UTP20: variants seen among roughly 807,000 people sequenced by gnomAD.
UTP20 encodes small subunit processome component 20 homolog.
In UTP20, 164 loss-of-function variants were observed where a neutral mutation model predicts 329.5. That is an observed-to-expected ratio of 0.50 (90% CI 0.44 to 0.57). UTP20 has a LOEUF of 0.57. Ranked by LOEUF, UTP20 falls within the 20% of genes least tolerant of loss-of-function variation. The probability of loss-of-function intolerance (pLI) is 0.00; values close to 1 mark genes in which losing one functional copy is unlikely to be tolerated. For synonymous variants in UTP20, 1,151 were observed against 1,159.3 expected (o/e 0.99, Z 0.14); for missense variants, 3,055 against 3,284.2 (o/e 0.93, Z 1.71).
rs776362046 is a variant in UTP20 at position 101,338,867 on chromosome 12, A to G, written c.3923A>G (p.Gln1308Arg). The stretch of plus-strand genomic sequence containing the variant: ...CTACCTCATGTACCTGCAATTCTTC[A>G]GTATCTCAGCAAAACCACAATAAGC... ...LILPHVPAIL[Q>R]YLSKTTISAE... The change falls in exon 31 of 62, where the codon CAG becomes CGG. Residue 1308 changes from glutamine to arginine, a missense_variant. By Grantham distance (43) the Gln-to-Arg change is conservative. Transcript: ENST00000261637. The G allele has an allele frequency of 6.8e-6, 11 of 1,612,424 alleles. No individual in the cohort carries two copies. The highest frequency in any genetic ancestry group is 9.3e-6 in the Non-Finnish European group (11 of 1,179,556).
chr12:101,345,792 A>C (rs1790163742), intron 37 of UTP20, 98 bp downstream of exon 37: 1 of 1,148,234 alleles, frequency 8.7e-7, no homozygotes, highest in East Asian at 2.6e-5. Context: ...CTTTCCAAAA[A>C]GGTTTAAGCT....
At position 101,342,986 on chromosome 12, in the gene UTP20, G is replaced by A. The variant is rs768900064; in HGVS notation, c.4342G>A (p.Val1448Ile). Residue 1448 changes from valine (V) to isoleucine (I), a missense_variant, in exon 35 of 62, where the codon GTT becomes ATT. Physicochemically the swap from Val to Ile is conservative, Grantham distance 29. Coordinates refer to ENST00000261637, the MANE Select transcript of UTP20 (RefSeq NM_014503.3). ...QRHLDDINFD[V>I]RFETFQTITS... ...ACATCTTGATGATATCAACTTCGACGTTCGCTTTGAGACTTTCCAGACCAT... is the reference window on the plus strand; with the variant it reads ...ACATCTTGATGATATCAACTTCGACATTCGCTTTGAGACTTTCCAGACCAT... 29 of 1,613,740 alleles carry A rather than the reference G, an allele frequency of 1.8e-5. No homozygotes were observed. The highest frequency in any genetic ancestry group is 1.3e-4 in the East Asian group (6 of 44,858).
At chr12:101,289,388 C>CAT (rs1207054494) in intron 6 of UTP20, among the ~76,000 whole-genome samples, 1 of 150,514 alleles carries the variant, frequency 6.6e-6, no homozygotes, top group Non-Finnish European at 1.5e-5. Flanking sequence ...CACACACACA[C>CAT]ACATACACAC....
At chr12:101,372,659 T>C (rs925611963) in intron 51 of UTP20, among the ~76,000 whole-genome samples, 6 of 152,214 alleles carry the variant, frequency 3.9e-5, no homozygotes, top group African/African-American at 1.4e-4. Flanking sequence ...AGGGCTTGCC[T>C]CTGTCAGGCA....
At chr12:101,286,959 T>C (rs1871979169) in intron 5 of UTP20, among the ~76,000 whole-genome samples, 1 of 152,160 alleles carries the variant, frequency 6.6e-6, no homozygotes, top group East Asian at 1.9e-4. Context: ...TAATACTTAC[T>C]AAGGTGAAAG....
intron 6 of UTP20, 65 bp downstream of exon 6, chr12:101,289,106 G>GCCACCACGCC: frequency 2.1e-6 from 3 of 1,421,122 alleles, no homozygotes; most frequent in Non-Finnish European, 2.9e-6. Context: ...GCCAGGCGTG[G>GCCACCACGCC]TGGCTCATGC....
chr12:101,293,236 G>A lies in UTP20; in HGVS notation c.1242G>A (p.Gln414=). The part of the protein sequence containing the change: ...SFSEVMFAMK[Q]FEQLFLPSFL... ...CTGAAGTCATGTTTGCCATGAAGCA[G>A]TTTGAGCAGGTAAGCAAGTTACTAA... The change falls in exon 11 of 62, where the codon CAG becomes CAA. Residue 414 remains glutamine (Q), a synonymous_variant. Transcript: ENST00000261637. 1.2e-6 allele frequency: 2 copies of A among 1,613,964 alleles called. No individual in the cohort carries two copies. Among genetic ancestry groups the A allele is most frequent in the Non-Finnish European group, 1.7e-6 (2 of 1,179,956 alleles).
chr12:101,331,676 A>G (rs1868766061), intron 27 of UTP20, among the ~76,000 whole-genome samples: 1 of 152,124 alleles, frequency 6.6e-6, no homozygotes. Context: ...TAATTTTCCT[A>G]TTAGTTTTCT....
chr12:101,369,862 AACTTCC>A lies in UTP20; in HGVS notation c.6529_6534del (p.Phe2177_His2178del), dbSNP rs1458427912. On this transcript the variant is annotated inframe_deletion, in exon 49 of 62. Coordinates refer to ENST00000261637, the MANE Select transcript of UTP20 (RefSeq NM_014503.3). ...AAAGCTCGGGGCCGCCAGGGGCCAGAACTTCCACCTTGTGGTCAATTGTTTCAAGGT... is the reference window on the plus strand; with the variant it reads ...AAAGCTCGGGGCCGCCAGGGGCCAGAACCTTGTGGTCAATTGTTTCAAGGT... The A allele has an allele frequency of 8.1e-6, 13 of 1,614,016 alleles. No homozygotes were observed. Among genetic ancestry groups the A allele is most frequent in the Non-Finnish European group, 1.0e-5 (12 of 1,179,958 alleles).
intron 55 of UTP20, 33 bp from the exon 56 acceptor site, chr12:101,375,591 G>C (rs1428243661): frequency 1.2e-6 from 2 of 1,605,066 alleles, no homozygotes; most frequent in East Asian, 2.2e-5. Context: ...TCAGATTGTT[G>C]TTTTCATTGA....
At chr12:101,384,956 C>G (rs942905975) in intron 60 of UTP20, among the ~76,000 whole-genome samples, 1 of 152,068 alleles carries the variant, frequency 6.6e-6, no homozygotes, top group Non-Finnish European at 1.5e-5. Flanking sequence ...TTTCAAGAAG[C>G]TTGTGATCTA....
intron 18 of UTP20, 79 bp from the exon 19 acceptor site, chr12:101,309,684 T>C: frequency 7.1e-7 from 1 of 1,416,170 alleles, no homozygotes; most frequent in Non-Finnish European, 9.8e-7. Context: ...TTGTCCAACT[T>C]GGGATGTTTG....
At chr12:101,374,049 A>C (rs980839249) in intron 54 of UTP20, among the ~76,000 whole-genome samples, 1 of 151,666 alleles carries the variant, frequency 6.6e-6, no homozygotes, top group Non-Finnish European at 1.5e-5. Context: ...TCCCGGCTAA[A>C]ACGGTGAAAC....
At chr12:101,333,473 G>A (rs2137270539) in intron 28 of UTP20, 29 bp downstream of exon 28, 1 of 1,606,854 alleles carries the variant, frequency 6.2e-7, no homozygotes, top group Non-Finnish European at 8.5e-7. Context: ...ATCTGCCTAT[G>A]TACGTTCTGC....
chr12:101,306,736 A>T lies in UTP20; in HGVS notation c.1970A>T (p.Asp657Val). ...LLTIRILNHF[D>V]VQLPESMEDD... ...ACAATAAGGATCCTAAACCATTTTG[A>T]TGTCCAGCTTCCAGAATCAATGGAG... Residue 657 changes from aspartate to valine, a missense_variant, in exon 17 of 62, where the codon GAT becomes GTT. Coordinates refer to ENST00000261637, the MANE Select transcript of UTP20 (RefSeq NM_014503.3). 6.2e-7 allele frequency: 1 copy of T among 1,606,712 alleles called. No individual in the cohort carries two copies. The highest frequency in any genetic ancestry group is 8.5e-7 in the Non-Finnish European group (1 of 1,176,008).
In UTP20 at chr12:101,365,362, A is replaced by G. The variant is rs746046907; in HGVS notation, c.5959-97A>G. 1.1e-5 allele frequency: 9 copies of G among 835,940 alleles called. No homozygotes were observed. The South Asian group carries it at 1.3e-4, about 12-fold the overall frequency. The allele number at this position is 835,940 out of a possible 1,614,324, so 51.8% of individuals were successfully genotyped here. A position where few individuals can be genotyped will look rare whatever the true frequency, so the allele number is the denominator to read the frequency against. ...TTTTAATTAGGAGAAAGCCAAACGT[A>G]TATTAGAAAGCTAATATATAAAAGA... On this transcript the variant is annotated intron_variant, in intron 45 of 61. Coordinates refer to ENST00000261637, the MANE Select transcript of UTP20 (RefSeq NM_014503.3).
intron 44 of UTP20, 88 bp downstream of exon 44, chr12:101,362,148 G>A (rs1565804825): frequency 1.0e-6 from 1 of 955,660 alleles, no homozygotes; most frequent in Non-Finnish European, 1.6e-6. Context: ...AATAATAATA[G>A]CCCATAAAAA....
chr12:101,348,331 A>C lies in UTP20; in HGVS notation c.4884+1743A>C, dbSNP rs571804341. Reference sequence around the variant, plus strand: ...AGTCTTGTTATTTTCCATTTGACCCAATTTTTTTCTTTTTTTCTCTTTATC... The same window carrying C: ...AGTCTTGTTATTTTCCATTTGACCCCATTTTTTTCTTTTTTTCTCTTTATC... On this transcript the variant is annotated intron_variant, in intron 38 of 61. Transcript: ENST00000261637. 2.4e-4 allele frequency among the ~76,000 whole-genome samples: 36 copies of C among 152,152 alleles called. 1 individual carries two copies. In the South Asian group the frequency reaches 7.5e-3, roughly 32 times the overall value.
Position 101,317,666 on chromosome 12 carries a change from A to G in UTP20, c.2738+3A>G. Reference sequence around the variant, plus strand: ...AAGACGAGGAGAGCTGCAGCAAAGTAAGTTCACCATTGCTGAAAGATCACA... The same window carrying G: ...AAGACGAGGAGAGCTGCAGCAAAGTGAGTTCACCATTGCTGAAAGATCACA... On this transcript the variant is annotated splice_donor_region_variant and intron_variant, in intron 22 of 61. Coordinates refer to ENST00000261637, the MANE Select transcript of UTP20 (RefSeq NM_014503.3). The G allele has an allele frequency of 6.2e-7, 1 of 1,603,284 alleles. No homozygotes were observed. The highest frequency in any genetic ancestry group is 8.5e-7 in the Non-Finnish European group (1 of 1,175,136).
Sources: allele counts gnomAD v4.1 joint callset (sites outside exome capture counted in the v4.1 genomes callset), GRCh38; gene constraint gnomAD v4.1.1; transcripts MANE v1.5; gene names NCBI Gene and HGNC (gene_info 2026-07-23, HGNC 2026-07-21).